Variants in TMEFF2 observed in about 807,000 individuals in gnomAD.
TMEFF2 encodes the protein transmembrane protein with EGF like and two follistatin like domains 2, also known as tomoregulin-2.
A neutral mutation model predicts 53.8 loss-of-function variants in TMEFF2; 28 were observed. The ratio of observed to expected loss-of-function variants is 0.52; its 90% CI spans 0.39 to 0.71. The LOEUF (loss-of-function observed/expected upper bound fraction) is 0.71. Among genes scored for constraint, TMEFF2 ranks in the 30% least tolerant of loss-of-function variants. TMEFF2 has a pLI of 0.00. For missense variants in TMEFF2, 353 were observed against 455.2 expected (o/e 0.78, Z 2.04); for synonymous variants, 162 against 166.3 (o/e 0.97, Z 0.20).
intron 4 of TMEFF2, among the ~76,000 whole-genome samples, chr2:192,162,364 T>G (rs566475325): frequency 2.6e-4 from 40 of 152,318 alleles, no homozygotes; most frequent in African/African-American, 9.6e-4. Flanking sequence ...TAATATGTTT[T>G]AAATTCTCCA....
At chr2:191,964,254 TTC>T (rs1491402175) in intron 7 of TMEFF2, among the ~76,000 whole-genome samples, 1 of 25,002 alleles carries the variant, frequency 4.0e-5, no homozygotes, top group African/African-American at 1.2e-4. Context: ...CCTTCCTTCC[TTC>T]CTCCTTTCTT....
At chr2:192,046,564 T>G (rs948844278) in intron 5 of TMEFF2, among the ~76,000 whole-genome samples, 1 of 152,164 alleles carries the variant, frequency 6.6e-6, no homozygotes, top group African/African-American at 2.4e-5. Flanking sequence ...AACTGTCACC[T>G]TCCACTATTA....
At chr2:191,995,897 G>C (rs908385636) in intron 7 of TMEFF2, among the ~76,000 whole-genome samples, 1 of 151,834 alleles carries the variant, frequency 6.6e-6, no homozygotes, top group African/African-American at 2.4e-5. Flanking sequence ...TTTCTTTAGA[G>C]TTTGCAGGAT....
intron 7 of TMEFF2, among the ~76,000 whole-genome samples, chr2:191,973,260 G>GT (rs1384049630): frequency 2.6e-5 from 4 of 151,800 alleles, no homozygotes; most frequent in African/African-American, 9.7e-5. Context: ...TATAACGTAG[G>GT]TTTTCTACTT....
intron 7 of TMEFF2, among the ~76,000 whole-genome samples, chr2:191,994,496 C>T (rs1400106293): frequency 6.7e-6 from 1 of 149,376 alleles, no homozygotes; most frequent in Non-Finnish European, 1.5e-5. Flanking sequence ...AGAAAATATA[C>T]ATATATATAC....
chr2:192,021,533 C>A (rs2105861253), intron 5 of TMEFF2, among the ~76,000 whole-genome samples: 1 of 152,068 alleles, frequency 6.6e-6, no homozygotes, highest in Non-Finnish European at 1.5e-5. Context: ...GAACAGAGAC[C>A]ATAGTAAACC....
intron 4 of TMEFF2, among the ~76,000 whole-genome samples, chr2:192,161,627 G>A (rs1313805885): frequency 6.6e-6 from 1 of 152,188 alleles, no homozygotes; most frequent in Non-Finnish European, 1.5e-5. Context: ...AGTTAAACAT[G>A]TGGACCAGTC....
In TMEFF2 at chr2:192,184,381, C is replaced by G. The variant is rs138101540; in HGVS notation, c.385G>C (p.Val129Leu). The G allele has an allele frequency of 6.2e-7, 1 of 1,613,208 alleles. No individual in the cohort carries two copies. Among genetic ancestry groups the G allele is most frequent in the African/African-American group, 1.3e-5 (1 of 74,854 alleles). Residue 129 changes from valine to leucine, a missense_variant, in exon 3 of 10, where the codon GTG (valine) becomes CTG (leucine). Val to Leu is a conservative substitution (Grantham distance 32, BLOSUM62 1). Coordinates refer to ENST00000272771, the MANE Select transcript of TMEFF2 (RefSeq NM_016192.4). ...GTGGCACATGATCCTTCTGACACCACAAGTATCTCACTCTGCTGTTTGCAT... is the reference window on the plus strand; with the variant it reads ...GTGGCACATGATCCTTCTGACACCAGAAGTATCTCACTCTGCTGTTTGCAT... The part of the protein sequence containing the change: ...AACKQQSEIL[V>L]VSEGSCATDA...
rs1450262840 is a variant in TMEFF2, at chr2:191,950,066, G to GA, written c.*244dup. The GA allele has an allele frequency of 3.1e-5, 38 of 1,215,608 alleles. No homozygotes were observed. The highest frequency in any genetic ancestry group is 3.4e-5 in the Non-Finnish European group (33 of 968,238). 75.3% of individuals were successfully genotyped at this position (1,215,608 alleles called of 1,614,324 possible). A position where few individuals can be genotyped will look rare whatever the true frequency, so the allele number is the denominator to read the frequency against. On this transcript the variant is annotated 3_prime_UTR_variant, in exon 10 of 10. Coordinates refer to ENST00000272771, the MANE Select transcript of TMEFF2 (RefSeq NM_016192.4). ...TTATATATAACAAATACATGGGAAA[G>GA]AAAAAACTATATTGTGTGATATAAA...
At chr2:192,134,954 G>C (rs1213466074) in intron 4 of TMEFF2, among the ~76,000 whole-genome samples, 2 of 152,116 alleles carry the variant, frequency 1.3e-5, no homozygotes, top group Non-Finnish European at 2.9e-5. Flanking sequence ...AAAATGACTG[G>C]ACAATACTTT....
intron 5 of TMEFF2, among the ~76,000 whole-genome samples, chr2:192,048,361 A>AACAAACACAC (rs1687676785): frequency 7.0e-6 from 1 of 143,168 alleles, no homozygotes; most frequent in Non-Finnish European, 1.5e-5. Context: ...ATTCTCATAA[A>AACAAACACAC]ACACACACAC....
intron 4 of TMEFF2, among the ~76,000 whole-genome samples, chr2:192,124,032 G>T (rs186696143): frequency 6.6e-6 from 1 of 152,290 alleles, no homozygotes; most frequent in African/African-American, 2.4e-5. Flanking sequence ...ACTGCAAATT[G>T]TTACTTCAGC....
chr2:192,133,348 C>T (rs11886273), intron 4 of TMEFF2, among the ~76,000 whole-genome samples: 127,355 of 151,786 alleles, frequency 0.84, 54,447 homozygotes, highest in Non-Finnish European at 0.93. Context: ...TGACCGATCA[C>T]GCACCCCTTA....
intron 8 of TMEFF2, among the ~76,000 whole-genome samples, 181 bp downstream of exon 8, chr2:191,956,074 T>G (rs1037051131): frequency 2.9e-5 from 2 of 69,176 alleles, no homozygotes; most frequent in East Asian, 6.8e-4. Flanking sequence ...CATATTTTTG[T>G]TTTTTTTTAG....
chr2:192,025,177 T>C (rs932776604), intron 5 of TMEFF2, among the ~76,000 whole-genome samples: 2 of 152,126 alleles, frequency 1.3e-5, no homozygotes, highest in African/African-American at 4.8e-5. Context: ...AGAGTGCCTA[T>C]GGTTGTTTTG....
At position 191,999,080 on chromosome 2, in the gene TMEFF2, A is replaced by G; in HGVS notation, c.665T>C (p.Met222Thr). The G allele has an allele frequency of 6.2e-7, 1 of 1,610,432 alleles. No homozygotes were observed. The highest frequency in any genetic ancestry group is 8.5e-7 in the Non-Finnish European group (1 of 1,177,444). The change falls in exon 6 of 10, where the codon ATG becomes ACG. Residue 222 changes from methionine (M) to threonine (T), a missense_variant. Physicochemically the swap from Met to Thr is moderately conservative, Grantham distance 81. Coordinates refer to ENST00000272771, the MANE Select transcript of TMEFF2 (RefSeq NM_016192.4). ...ATTACCTTGACATCGACCCAAAGAC[A>G]TGACTTCAATTTTCTCCTGTTTCTG... ...SCQKQEKIEV[M>T]SLGRCQDNTT... is the part of the protein sequence containing the mutation.
intron 2 of TMEFF2, among the ~76,000 whole-genome samples, chr2:192,188,910 A>G (rs1309297866): frequency 3.3e-5 from 5 of 151,196 alleles, no homozygotes; most frequent in Non-Finnish European, 5.9e-5. Context: ...CCAAATTTTC[A>G]TCCTCATAAT....
In TMEFF2 at chr2:191,949,454, T is replaced by A; in HGVS notation, c.*857A>T. The A allele has an allele frequency of 5.1e-6, 5 of 985,426 alleles. No individual in the cohort carries two copies. Among genetic ancestry groups the A allele is most frequent in the Non-Finnish European group, 6.0e-6 (5 of 829,906 alleles). 61.0% of individuals were successfully genotyped at this position (985,426 alleles called of 1,614,324 possible). ...TATACTATACATATTGTATGGTGCTTTTGAGAATTCACGATTTTGGTGTTT... is the reference window on the plus strand; with the variant it reads ...TATACTATACATATTGTATGGTGCTATTGAGAATTCACGATTTTGGTGTTT... On this transcript the variant is annotated 3_prime_UTR_variant, in exon 10 of 10. Coordinates refer to ENST00000272771, the MANE Select transcript of TMEFF2 (RefSeq NM_016192.4).
chr2:191,954,187 T>C (rs1691992130), intron 8 of TMEFF2, among the ~76,000 whole-genome samples: 1 of 152,152 alleles, frequency 6.6e-6, no homozygotes, highest in South Asian at 2.1e-4. Context: ...GCGCCCGGCC[T>C]GCATTCATTT....
Sources: allele counts gnomAD v4.1 joint callset (sites outside exome capture counted in the v4.1 genomes callset), GRCh38; gene constraint gnomAD v4.1.1; transcripts MANE v1.5; gene names NCBI Gene and HGNC (gene_info 2026-07-23, HGNC 2026-07-21).